PREX1: variants seen among roughly 807,000 people sequenced by gnomAD.
PREX1 encodes phosphatidylinositol 3,4,5-trisphosphate-dependent Rac exchanger 1 protein.
PREX1 carries 41 observed loss-of-function variants against 198.3 expected under a neutral mutation model. The ratio of observed to expected loss-of-function variants is 0.21; its 90% confidence interval spans 0.16 to 0.27. The LOEUF (loss-of-function observed/expected upper bound fraction) is 0.27. Ranked by LOEUF, PREX1 falls within the 10% of genes least tolerant of loss-of-function variation. The probability of loss-of-function intolerance (pLI) is 1.00; values close to 1 mark genes in which losing one functional copy is unlikely to be tolerated. For missense variants in PREX1, 1,620 were observed against 2,200.7 expected (o/e 0.74, Z 5.28); for synonymous variants, 843 against 887.2 (o/e 0.95, Z 0.89).
upstream of PREX1, among the ~76,000 whole-genome samples, chr20:48,831,214 TC>T (rs1239024767): frequency 3.3e-5 from 5 of 152,136 alleles, no homozygotes; most frequent in African/African-American, 1.2e-4. Flanking sequence ...TCTGTGCTTC[TC>T]TCTTTGGGGG....
chr20:48,795,927 T>C (rs1211849399), intron 1 of PREX1, among the ~76,000 whole-genome samples: 2 of 152,152 alleles, frequency 1.3e-5, no homozygotes, highest in African/African-American at 2.4e-5. Flanking sequence ...CTCGAAAGCA[T>C]GCTATGTCAC....
chr20:48,652,922 G>A (rs2089511200), intron 20 of PREX1, among the ~76,000 whole-genome samples: 2 of 152,304 alleles, frequency 1.3e-5, no homozygotes, highest in East Asian at 1.9e-4. Context: ...CGTCTCTCCT[G>A]TGTCCCCAGG....
chr20:48,834,196 T>G, the PREX1 span, among the ~76,000 whole-genome samples: 1 of 151,512 alleles, frequency 6.6e-6, no homozygotes, highest in East Asian at 1.9e-4. Flanking sequence ...GGATTGGGAG[T>G]AAAAGTTGAG....
intron 5 of PREX1, among the ~76,000 whole-genome samples, chr20:48,713,723 C>T (rs2089946591): frequency 1.4e-5 from 2 of 147,222 alleles, no homozygotes; most frequent in African/African-American, 2.6e-5. Flanking sequence ...AGTGACAGAA[C>T]GAACCTGTCT....
intron 1 of PREX1, among the ~76,000 whole-genome samples, chr20:48,779,939 T>C (rs1033845538): frequency 2.6e-5 from 4 of 152,190 alleles, no homozygotes; most frequent in Non-Finnish European, 4.4e-5. Flanking sequence ...GTGGTAAGTA[T>C]ATAACTCTAC....
chr20:48,649,687 T>G lies in PREX1; in HGVS notation c.3029-111A>C, dbSNP rs1055636839. 23 of 1,284,602 alleles carry G rather than the reference T, an allele frequency of 1.8e-5. No homozygotes were observed. In the African/African-American group the frequency reaches 2.9e-4, roughly 16 times the overall value. The allele number at this position is 1,284,602 out of a possible 1,614,324, so 79.6% of individuals were successfully genotyped here. A position where few individuals can be genotyped will look rare whatever the true frequency, so the allele number is the denominator to read the frequency against. Reference sequence around the variant, plus strand: ...AGGATCCCAATGAAGGAGAAAAATGTCCCTTCTAAATACTCTTAATTCATT... The same window carrying G: ...AGGATCCCAATGAAGGAGAAAAATGGCCCTTCTAAATACTCTTAATTCATT... On this transcript the variant is annotated intron_variant, in intron 24 of 39. Transcript: ENST00000371941.
At chr20:48,846,044 A>G in the PREX1 span, among the ~76,000 whole-genome samples, 1 of 152,232 alleles carries the variant, frequency 6.6e-6, no homozygotes, top group Non-Finnish European at 1.5e-5. Context: ...TTCTAAGCAC[A>G]TTCCGTATAT....
chr20:48,701,345 T>C (rs1184540245), intron 6 of PREX1, among the ~76,000 whole-genome samples: 1 of 152,180 alleles, frequency 6.6e-6, no homozygotes, highest in East Asian at 1.9e-4. Flanking sequence ...CCCGAGTAGC[T>C]GGGATTACAG....
chr20:48,739,596 A>AG (rs1422951091), intron 3 of PREX1, among the ~76,000 whole-genome samples: 1 of 152,186 alleles, frequency 6.6e-6, no homozygotes, highest in Non-Finnish European at 1.5e-5. Flanking sequence ...CTCATTTGTT[A>AG]AATTACCCTC....
At position 48,625,808 on chromosome 20, in the gene PREX1, G is replaced by T; in HGVS notation, c.*77C>A. The T allele has an allele frequency of 7.0e-7, 1 of 1,435,166 alleles. No homozygotes were observed. The highest frequency in any genetic ancestry group is 1.3e-5 in the South Asian group (1 of 75,580). The allele number at this position is 1,435,166 out of a possible 1,614,324, so 88.9% of individuals were successfully genotyped here. ...GCGGAAGCCTTGGGCCATCCCTGGAGAAGGCCAGCGCTGCCTGCTGTGTCC... is the reference window on the plus strand; with the variant it reads ...GCGGAAGCCTTGGGCCATCCCTGGATAAGGCCAGCGCTGCCTGCTGTGTCC... On this transcript the variant is annotated 3_prime_UTR_variant, in exon 40 of 40. Coordinates refer to ENST00000371941, the MANE Select transcript of PREX1 (RefSeq NM_020820.4).
At position 48,827,101 on chromosome 20, in the gene PREX1, G is replaced by T. The variant is rs367798192; in HGVS notation, c.219+541C>A. 1.2e-4 allele frequency among the ~76,000 whole-genome samples: 19 copies of T among 152,206 alleles called. No individual in the cohort carries two copies. The East Asian group carries it at 3.3e-3, about 26-fold the overall frequency. Reference sequence around the variant, plus strand: ...TTTGAGTTCGAAACCCACTCTCCCCGAACTCCAGCAAAAACCTGTGCATGG... The same window carrying T: ...TTTGAGTTCGAAACCCACTCTCCCCTAACTCCAGCAAAAACCTGTGCATGG... On this transcript the variant is annotated intron_variant, in intron 1 of 39. Coordinates refer to ENST00000371941, the MANE Select transcript of PREX1 (RefSeq NM_020820.4). The surrounding 1 kb of genome is among the most constrained non-coding windows in gnomAD (Gnocchi z 4.1).
intron 14 of PREX1, among the ~76,000 whole-genome samples, chr20:48,675,987 A>G (rs2089706314): frequency 6.6e-6 from 1 of 152,050 alleles, no homozygotes; most frequent in Non-Finnish European, 1.5e-5. Context: ...CAGTGAGCTA[A>G]GACTGCACTA....
intron 10 of PREX1, among the ~76,000 whole-genome samples, chr20:48,687,381 C>A (rs1435709663): frequency 6.6e-6 from 1 of 152,250 alleles, no homozygotes; most frequent in Non-Finnish European, 1.5e-5. Flanking sequence ...TTTCCAGCGC[C>A]TTAAAGTCCT....
chr20:48,806,830 C>T lies in PREX1; in HGVS notation c.219+20812G>A, dbSNP rs531553650. On this transcript the variant is annotated intron_variant, in intron 1 of 39. Transcript: ENST00000371941. The stretch of plus-strand genomic sequence containing the variant: ...GGTCAAGATGGCCCCCAAACAGCTC[C>T]AACAGCAGGCAGAAGGTGAAGAGGG... Among the ~76,000 whole-genome samples, 48 of 152,330 alleles carry T rather than the reference C, an allele frequency of 3.2e-4. No homozygotes were observed. In the South Asian group the frequency reaches 6.2e-3, roughly 20 times the overall value.
chr20:48,818,120 C>G (rs2090466737), intron 1 of PREX1, among the ~76,000 whole-genome samples: 1 of 152,134 alleles, frequency 6.6e-6, no homozygotes, highest in Non-Finnish European at 1.5e-5. Flanking sequence ...GGAGCGCATT[C>G]CAGACAGCAC....
At chr20:48,816,086 C>A (rs114072145) in intron 1 of PREX1, among the ~76,000 whole-genome samples, 1 of 150,644 alleles carries the variant, frequency 6.6e-6, no homozygotes, top group Non-Finnish European at 1.5e-5. Context: ...GTTGGAGAGA[C>A]CAGGTCTTAC....
chr20:48,731,539 C>G (rs1334504051), intron 4 of PREX1, among the ~76,000 whole-genome samples: 1 of 152,194 alleles, frequency 6.6e-6, no homozygotes, highest in African/African-American at 2.4e-5. Flanking sequence ...AATAAATCAT[C>G]CCCATTTTAC....
the PREX1 span, chr20:48,849,294 TAAAC>T: frequency 1.3e-5 from 2 of 152,130 alleles, no homozygotes; most frequent in Non-Finnish European, 2.9e-5. Context: ...TCCATAGAAA[TAAAC>T]AAAACAATAC....
intron 1 of PREX1, among the ~76,000 whole-genome samples, chr20:48,767,568 G>A (rs1324865396): frequency 6.6e-6 from 1 of 152,140 alleles, no homozygotes; most frequent in Non-Finnish European, 1.5e-5. Flanking sequence ...AGTCGCACCA[G>A]AGTGAAATGC....
Sources: gnomAD v4.1 joint callset for allele counts (sites outside exome capture counted in the v4.1 genomes callset) on GRCh38, gnomAD v4.1.1 for gene constraint, Gnocchi (gnomAD v3.1) non-coding constraint, MANE v1.5 for transcripts, NCBI Gene and HGNC (gene_info 2026-07-23, HGNC 2026-07-21) for gene names.